Variants in EP400 observed in about 807,000 individuals in gnomAD.
EP400 encodes E1A binding protein p400.
In EP400, 105 loss-of-function variants were observed where a neutral mutation model predicts 354.1. The observed-to-expected ratio is 0.30, with a 90% CI of 0.25 to 0.35. The LOEUF is 0.35. Among genes scored for constraint, EP400 ranks in the 10% least tolerant of loss-of-function variants. The pLI is 1.00. For synonymous variants in EP400, 1,646 were observed against 1,716.9 expected, an observed-to-expected ratio of 0.96 and a Z score of 1.02; for missense variants, 3,280 against 4,121.0, an observed-to-expected ratio of 0.80 and a Z score of 5.59.
rs1472319042 is a variant in EP400 at position 132,053,324 on chromosome 12, T to C, written c.7474-19T>C. On this transcript the variant is annotated intron_variant, in intron 42 of 52. Transcript: ENST00000389561. The stretch of plus-strand genomic sequence containing the variant: ...GAGTCTGCCCCTCCAGTGGCTCCTC[T>C]TCCTTCCTGGCCCCTCAGGCTCTGG... 2 of 1,592,764 alleles carry C rather than the reference T, an allele frequency of 1.3e-6. No homozygotes were observed. Among genetic ancestry groups the C allele is most frequent in the South Asian group, 1.1e-5 (1 of 89,614 alleles).
intron 2 of EP400, among the ~76,000 whole-genome samples, chr12:131,965,880 G>A (rs1383592087): frequency 6.6e-6 from 1 of 152,090 alleles, no homozygotes; most frequent in East Asian, 1.9e-4. Context: ...GAATATTTGG[G>A]TTGTTTCCAG....
chr12:132,017,529 G>A lies in EP400; in HGVS notation c.3924-6G>A, dbSNP rs761485077. 4 of 1,613,362 alleles carry A rather than the reference G, an allele frequency of 2.5e-6. No individual in the cohort carries two copies. Among genetic ancestry groups the A allele is most frequent in the South Asian group, 1.1e-5 (1 of 91,026 alleles). On this transcript the variant is annotated splice_polypyrimidine_tract_variant and splice_region_variant and intron_variant, in intron 19 of 52. Transcript: ENST00000389561. This position sits in a 1 kb window ranked among gnomAD's most constrained non-coding sequence, Gnocchi z 5.0. ...GAATGCTTCGTGTTTCTTTCTCCAC[G>A]GGCAGCACTCAGGAGGCCTTGAAGA...
intron 2 of EP400, among the ~76,000 whole-genome samples, chr12:131,965,773 ACTT>A (rs1188188522): frequency 6.6e-6 from 1 of 152,190 alleles, no homozygotes; most frequent in Non-Finnish European, 1.5e-5. Context: ...AGATTCATCT[ACTT>A]TGTTTTATTT....
rs747501879 is a variant in EP400, at chr12:132,013,730, ACAG to A, written c.3787-41_3787-39del. 2 of 1,610,836 alleles carry A rather than the reference ACAG, an allele frequency of 1.2e-6. No individual in the cohort carries two copies. Among genetic ancestry groups the A allele is most frequent in the South Asian group, 2.2e-5 (2 of 90,562 alleles). On this transcript the variant is annotated intron_variant, in intron 18 of 52. Coordinates refer to ENST00000389561, the MANE Select transcript of EP400 (RefSeq NM_015409.5). The surrounding 1 kb of genome is among the most constrained non-coding windows in gnomAD (Gnocchi z 4.5). ...GCGTATGCCTTGTTATAAACGTGTT[ACAG>A]CAGCATTTTTGGAAAGAAAACAGTA...
intron 52 of EP400, among the ~76,000 whole-genome samples, chr12:132,077,131 C>T (rs1896261103): frequency 6.6e-6 from 1 of 152,232 alleles, no homozygotes; most frequent in Non-Finnish European, 1.5e-5. Flanking sequence ...AAAAGCTTTA[C>T]TACAACAACA....
intron 13 of EP400, among the ~76,000 whole-genome samples, chr12:132,005,389 G>C (rs550626051): frequency 2.0e-5 from 3 of 152,304 alleles, no homozygotes; most frequent in African/African-American, 7.2e-5. Context: ...CGGGGCACTT[G>C]ATCATGTTGT....
intron 48 of EP400, chr12:132,066,456 C>T (rs1485910762): frequency 1.8e-5 from 5 of 283,000 alleles, no homozygotes; most frequent in Non-Finnish European, 2.6e-5. Flanking sequence ...GTGGGAAAAA[C>T]GGGACAGGAT....
At position 131,957,577 on chromosome 12, in the gene EP400, T is replaced by C. The variant is rs573674337; in HGVS notation, c.-35-3008T>C. Reference sequence around the variant, plus strand: ...AACTTGGAAAGTTAGCTTATAAAAATGCTTTATTTATTTATTTATTTATTT... The same window carrying C: ...AACTTGGAAAGTTAGCTTATAAAAACGCTTTATTTATTTATTTATTTATTT... On this transcript the variant is annotated intron_variant, in intron 1 of 52. Transcript: ENST00000389561. Among the ~76,000 whole-genome samples, 4 of 147,628 alleles carry C rather than the reference T, an allele frequency of 2.7e-5. No homozygotes were observed. In the South Asian group the frequency reaches 6.3e-4, roughly 23 times the overall value.
intron 33 of EP400, 49 bp from the exon 34 acceptor site, chr12:132,043,596 T>C (rs753509137): frequency 6.3e-7 from 1 of 1,584,038 alleles, no homozygotes; most frequent in South Asian, 1.2e-5. Context: ...GAACTTGACT[T>C]TTATTAACTT....
At chr12:132,062,088 G>A in intron 45 of EP400, 22 bp from the exon 46 acceptor site, 1 of 1,603,012 alleles carries the variant, frequency 6.2e-7, no homozygotes, top group Non-Finnish European at 8.5e-7. Context: ...ATTTGATGAG[G>A]TCCTCTGTTT....
Position 132,037,800 on chromosome 12 carries a change from C to T in EP400, c.6063+7C>T. On this transcript the variant is annotated splice_region_variant and intron_variant, in intron 31 of 52. Coordinates refer to ENST00000389561, the MANE Select transcript of EP400 (RefSeq NM_015409.5). ...CATGGCTTTCTTAACTCAGGTACTC[C>T]TTATTCAATGAGAGGCCTGAGGTGA... The T allele has an allele frequency of 6.2e-7, 1 of 1,613,980 alleles. No individual in the cohort carries two copies. The highest frequency in any genetic ancestry group is 8.5e-7 in the Non-Finnish European group (1 of 1,179,840).
At chr12:131,998,939 T>C (rs1893314584) in intron 12 of EP400, among the ~76,000 whole-genome samples, 2 of 148,052 alleles carry the variant, frequency 1.4e-5, no homozygotes. Context: ...AAAGTCTTTG[T>C]ATACTTCTCT....
intron 23 of EP400, 110 bp from the exon 24 acceptor site, chr12:132,023,667 C>T: frequency 1.1e-6 from 1 of 936,300 alleles, no homozygotes; most frequent in Non-Finnish European, 1.6e-6. Context: ...TTCTGTGGTG[C>T]TTCAGTTTAT....
intron 19 of EP400, among the ~76,000 whole-genome samples, chr12:132,015,623 G>T (rs1040079748): frequency 1.6e-4 from 25 of 152,174 alleles, no homozygotes; most frequent in African/African-American, 6.0e-4. Context: ...CCTGGGACCT[G>T]TTGGGGGAAA....
At chr12:131,966,458 TCTC>T (rs1157299745) in intron 2 of EP400, among the ~76,000 whole-genome samples, 1 of 146,746 alleles carries the variant, frequency 6.8e-6, no homozygotes, top group Non-Finnish European at 1.5e-5. Context: ...AATTCCAGCT[TCTC>T]AGGAGGCACG....
At chr12:131,967,559 G>A (rs940675628) in intron 2 of EP400, among the ~76,000 whole-genome samples, 8 of 151,600 alleles carry the variant, frequency 5.3e-5, no homozygotes, top group African/African-American at 1.7e-4. Context: ...GCGTAGTGGC[G>A]TGCCGCTGTA....
chr12:132,036,254 C>A (rs943685091), intron 30 of EP400, among the ~76,000 whole-genome samples: 1 of 145,860 alleles, frequency 6.9e-6, no homozygotes, highest in African/African-American at 2.6e-5. Flanking sequence ...CCCAGGTTCA[C>A]ACGGAACGTC....
chr12:132,008,480 A>G (rs900081946), intron 15 of EP400, among the ~76,000 whole-genome samples: 3 of 152,194 alleles, frequency 2.0e-5, no homozygotes, highest in Non-Finnish European at 2.9e-5. Context: ...ATTCATATGC[A>G]TAGTTAATTC....
intron 19 of EP400, among the ~76,000 whole-genome samples, chr12:132,016,202 A>G (rs897486331): frequency 1.3e-5 from 2 of 152,048 alleles, no homozygotes; most frequent in Non-Finnish European, 2.9e-5. Context: ...GCTGCTCTCT[A>G]GAGCCAGGCT....
Sources: gnomAD v4.1 joint callset for allele counts (sites outside exome capture counted in the v4.1 genomes callset) on GRCh38, gnomAD v4.1.1 for gene constraint, Gnocchi (gnomAD v3.1) non-coding constraint, MANE v1.5 for transcripts, NCBI Gene and HGNC (gene_info 2026-07-23, HGNC 2026-07-21) for gene names.